Variants in MAGI2 observed in about 807,000 individuals in gnomAD.
MAGI2 encodes the protein membrane-associated guanylate kinase, WW and PDZ domain-containing protein 2.
Under a neutral mutation model 133.3 loss-of-function variants are expected in MAGI2, and 35 were observed. The observed-to-expected ratio is 0.26, with a 90% confidence interval of 0.20 to 0.35. The LOEUF (loss-of-function observed/expected upper bound fraction) is 0.35, where lower values mean the gene tolerates loss of function less well. Ranked by LOEUF, MAGI2 falls within the 10% of genes least tolerant of loss-of-function variation. The pLI is 1.00. For synonymous variants in MAGI2, 729 were observed against 710.6 expected, an observed-to-expected ratio of 1.03 and a Z score of -0.41; for missense variants, 1,636 against 1,863.4, an observed-to-expected ratio of 0.88 and a Z score of 2.25.
chr7:78,270,697 G>A (rs183479186), intron 9 of MAGI2, among the ~76,000 whole-genome samples: 13 of 151,862 alleles, frequency 8.6e-5, no homozygotes, highest in East Asian at 1.9e-4. Context: ...AATGGGAGAC[G>A]TTAACACCCC....
intron 1 of MAGI2, among the ~76,000 whole-genome samples, chr7:79,166,683 A>T (rs1824952040): frequency 6.6e-6 from 1 of 152,116 alleles, no homozygotes; most frequent in Admixed American, 6.6e-5. Flanking sequence ...TGGGGGGAAA[A>T]ATCCTTATCT....
chr7:78,916,779 G>C (rs1377478221), intron 2 of MAGI2, among the ~76,000 whole-genome samples: 1 of 152,142 alleles, frequency 6.6e-6, no homozygotes, highest in Non-Finnish European at 1.5e-5. Context: ...TTGCAGGCTG[G>C]AAGGAAATAA....
At chr7:78,820,004 C>G (rs57952287) in intron 2 of MAGI2, among the ~76,000 whole-genome samples, 3 of 151,824 alleles carry the variant, frequency 2.0e-5, no homozygotes, top group Admixed American at 1.3e-4. Flanking sequence ...TCAGCTAAGT[C>G]CATGTATGTG....
chr7:79,288,648 T>G (rs552604174), intron 1 of MAGI2, among the ~76,000 whole-genome samples: 1 of 152,234 alleles, frequency 6.6e-6, no homozygotes, highest in Non-Finnish European at 1.5e-5. Context: ...AGATTTAATG[T>G]GGGAACCAGG....
chr7:78,549,998 C>G (rs182815982), intron 3 of MAGI2, among the ~76,000 whole-genome samples: 1 of 152,090 alleles, frequency 6.6e-6, no homozygotes, highest in Non-Finnish European at 1.5e-5. Context: ...GTGAAGCCCA[C>G]GTAAGTAAGA....
At chr7:79,384,797 G>A (rs1171165455) in intron 1 of MAGI2, among the ~76,000 whole-genome samples, 2 of 151,760 alleles carry the variant, frequency 1.3e-5, no homozygotes, top group Admixed American at 1.3e-4. Flanking sequence ...TTGTGTTTTT[G>A]TAATATGTGG....
chr7:78,109,303 CAAAAAAAAAAAAAAAAA>C (rs71085511), intron 20 of MAGI2, among the ~76,000 whole-genome samples: 5 of 19,944 alleles, frequency 2.5e-4, no homozygotes, highest in Non-Finnish European at 4.3e-4. Flanking sequence ...GACTCCGTCT[CAAAAAAAAAAAAAAAAA>C]AAAAAAAAAA....
At chr7:78,387,207 A>G (rs1299934506) in intron 6 of MAGI2, among the ~76,000 whole-genome samples, 1 of 152,226 alleles carries the variant, frequency 6.6e-6, no homozygotes, top group East Asian at 1.9e-4. Flanking sequence ...AGAGTCAGAA[A>G]TCAATGTGTG....
intron 2 of MAGI2, among the ~76,000 whole-genome samples, chr7:78,970,811 T>A (rs1191621383): frequency 2.0e-5 from 3 of 152,066 alleles, no homozygotes; most frequent in Non-Finnish European, 4.4e-5. Flanking sequence ...GTCACAGCTT[T>A]CTTGTATCCT....
chr7:78,595,066 G>A (rs988551919), intron 3 of MAGI2, among the ~76,000 whole-genome samples: 2 of 152,170 alleles, frequency 1.3e-5, no homozygotes, highest in East Asian at 3.9e-4. Context: ...CTCTGTAACC[G>A]GTTACAGAAA....
chr7:78,589,719 G>A (rs1563210964), intron 3 of MAGI2, among the ~76,000 whole-genome samples: 1 of 152,208 alleles, frequency 6.6e-6, no homozygotes, highest in Non-Finnish European at 1.5e-5. Flanking sequence ...CGTAGCCATG[G>A]TAGAAAGGGT....
chr7:78,529,252 G>A (rs1450431047), intron 3 of MAGI2, among the ~76,000 whole-genome samples: 1 of 152,188 alleles, frequency 6.6e-6, no homozygotes, highest in Non-Finnish European at 1.5e-5. Context: ...AATGTAGACA[G>A]GCACAGGATA....
chr7:78,940,351 A>G (rs1174949295), intron 2 of MAGI2: 1 of 152,192 alleles, frequency 6.6e-6, no homozygotes, highest in Admixed American at 6.5e-5. Context: ...ATAATTATTT[A>G]TCTATGTCTG....
intron 16 of MAGI2, among the ~76,000 whole-genome samples, chr7:78,138,111 C>G (rs958863957): frequency 2.0e-4 from 30 of 152,192 alleles, no homozygotes; most frequent in African/African-American, 7.2e-4. Flanking sequence ...GATTTCATAG[C>G]CTTTGCTGTT....
chr7:79,146,588 T>C (rs937803749), intron 1 of MAGI2, among the ~76,000 whole-genome samples: 16 of 152,210 alleles, frequency 1.1e-4, no homozygotes, highest in African/African-American at 3.9e-4. Context: ...CCCCATACTC[T>C]TCTTGTGGTA....
chr7:79,379,285 A>G (rs1432902527), intron 1 of MAGI2, among the ~76,000 whole-genome samples: 1 of 151,896 alleles, frequency 6.6e-6, no homozygotes, highest in African/African-American at 2.4e-5. Context: ...TAAAAAGGAT[A>G]AGAATTCATC....
chr7:79,183,867 G>A (rs1402803196), intron 1 of MAGI2, among the ~76,000 whole-genome samples: 5 of 151,802 alleles, frequency 3.3e-5, no homozygotes, highest in African/African-American at 1.2e-4. Flanking sequence ...ATTACATTAA[G>A]TAAAATAAAG....
At chr7:79,249,895 C>T (rs1422271935) in intron 1 of MAGI2, among the ~76,000 whole-genome samples, 2 of 151,954 alleles carry the variant, frequency 1.3e-5, no homozygotes, top group African/African-American at 2.4e-5. Context: ...TACAAAAATC[C>T]TCAACAACAA....
intron 20 of MAGI2, among the ~76,000 whole-genome samples, chr7:78,120,368 A>G (rs1295544576): frequency 6.6e-6 from 1 of 152,194 alleles, no homozygotes; most frequent in African/African-American, 2.4e-5. Context: ...GTGCCACTGC[A>G]CTCCAGCCCA....
Sources: gnomAD v4.1 joint callset for allele counts (sites outside exome capture counted in the v4.1 genomes callset) on GRCh38, gnomAD v4.1.1 for gene constraint, MANE v1.5 for transcripts, NCBI Gene and HGNC (gene_info 2026-07-23, HGNC 2026-07-21) for gene names.